Variants in CROCC2 observed in about 807,000 individuals in gnomAD.
CROCC2 encodes the protein ciliary rootlet coiled-coil protein 2.
CROCC2 carries 163 observed loss-of-function variants against 177.6 expected under a neutral mutation model. That is an observed-to-expected ratio of 0.92 (90% CI 0.81 to 1.05). CROCC2 has a LOEUF of 1.05. Among genes scored for constraint, CROCC2 ranks in the 50% least tolerant of loss-of-function variants. The pLI is 0.00. For synonymous variants in CROCC2, 904 were observed against 787.3 expected, an observed-to-expected ratio of 1.15 and a Z score of -2.48; for missense variants, 1,929 against 1,797.8, an observed-to-expected ratio of 1.07 and a Z score of -1.32.
intron 22 of CROCC2, 27 bp from the exon 23 acceptor site, chr2:240,965,354 C>G (rs1302094326): frequency 6.5e-7 from 1 of 1,548,222 alleles, no homozygotes; most frequent in Non-Finnish European, 8.7e-7. Context: ...GACCAGTGAC[C>G]CTGTCCGTGC....
intron 3 of CROCC2, among the ~76,000 whole-genome samples, chr2:240,922,049 G>A (rs1220353244): frequency 6.6e-6 from 1 of 152,200 alleles, no homozygotes; most frequent in Non-Finnish European, 1.5e-5. Context: ...CAATCTCCAG[G>A]GGGCAGCCCC....
At chr2:240,980,017 T>C (rs2059787448) in intron 27 of CROCC2, among the ~76,000 whole-genome samples, 1 of 44,368 alleles carries the variant, frequency 2.3e-5, no homozygotes, top group Non-Finnish European at 4.2e-5. Flanking sequence ...TCATCCCTGC[T>C]CAAGCTCTGG....
chr2:240,965,370 C>T lies in CROCC2; in HGVS notation c.3466-11C>T. 6.5e-7 allele frequency: 1 copy of T among 1,549,044 alleles called. No homozygotes were observed. Among genetic ancestry groups the T allele is most frequent in the Non-Finnish European group, 8.7e-7 (1 of 1,146,776 alleles). On this transcript the variant is annotated splice_polypyrimidine_tract_variant and intron_variant, in intron 22 of 31. Coordinates refer to ENST00000690015, the MANE Select transcript of CROCC2 (RefSeq NM_001351305.2). ...ACCAGTGACCCTGTCCGTGCGGCCC[C>T]ACGCTCCCAGGTGAGGACACTGAAG...
In CROCC2 at chr2:240,932,823, C is replaced by T; in HGVS notation, c.1166C>T (p.Pro389Leu). Residue 389 changes from proline (P) to leucine (L), a missense_variant, in exon 9 of 32, where the codon CCA (proline) becomes CTA (leucine). Around this residue, in one of 3 missense-constraint regions of CROCC2, gnomAD observed 1,397 missense variants for 1,239.9 expected, o/e 1.13. Transcript: ENST00000690015. ...RATSPHQGAS[P>L]PHICSPATLD... Reference sequence around the variant, plus strand: ...ACATCCCCCCATCAAGGGGCGTCCCCACCACACATCTGCTCCCCAGCCACC... The same window carrying T: ...ACATCCCCCCATCAAGGGGCGTCCCTACCACACATCTGCTCCCCAGCCACC... The T allele has an allele frequency of 6.5e-7, 1 of 1,541,770 alleles. No homozygotes were observed. The highest frequency in any genetic ancestry group is 8.8e-7 in the Non-Finnish European group (1 of 1,141,540).
intron 15 of CROCC2, 144 bp downstream of exon 15, chr2:240,946,397 G>A: frequency 1.1e-6 from 1 of 869,836 alleles, no homozygotes; most frequent in Non-Finnish European, 1.7e-6. Context: ...GTGAGTGGAG[G>A]CGAGCACAGA....
At chr2:240,961,880 T>TCA (rs2059641126) in intron 20 of CROCC2, among the ~76,000 whole-genome samples, 15 of 81,974 alleles carry the variant, frequency 1.8e-4, no homozygotes, top group Non-Finnish European at 3.1e-4. Flanking sequence ...CACATGCTCA[T>TCA]CACACACATG....
chr2:240,947,429 G>A (rs986294646), intron 15 of CROCC2, among the ~76,000 whole-genome samples: 35 of 152,072 alleles, frequency 2.3e-4, no homozygotes, highest in African/African-American at 7.5e-4. Flanking sequence ...CCACTGACCC[G>A]AGGTCCCTGC....
intron 24 of CROCC2, 49 bp downstream of exon 24, chr2:240,966,042 C>T: frequency 7.6e-7 from 1 of 1,313,672 alleles, no homozygotes; most frequent in Non-Finnish European, 9.7e-7. Context: ...AGCTCAGTCC[C>T]TGGCCTGGCA....
intron 7 of CROCC2, among the ~76,000 whole-genome samples, chr2:240,931,988 G>A (rs1190465091): frequency 1.3e-5 from 2 of 152,250 alleles, no homozygotes; most frequent in Non-Finnish European, 2.9e-5. Context: ...GGTGCTCCAG[G>A]CAGAAGGACT....
At chr2:240,968,814 G>A (rs2059702622) in intron 27 of CROCC2, among the ~76,000 whole-genome samples, 1 of 152,206 alleles carries the variant, frequency 6.6e-6, no homozygotes, top group Admixed American at 6.5e-5. Flanking sequence ...TTCAGGTGAG[G>A]AGCCTGGGCC....
Position 240,949,761 on chromosome 2 carries a change from G to A in CROCC2, c.2652+59G>A. On this transcript the variant is annotated intron_variant, in intron 17 of 31. Coordinates refer to ENST00000690015, the MANE Select transcript of CROCC2 (RefSeq NM_001351305.2). The surrounding 1 kb of genome is among the most constrained non-coding windows in gnomAD (Gnocchi z 4.5). The stretch of plus-strand genomic sequence containing the variant: ...AGAAGGCTACCAGGTCCCGGGGAAT[G>A]GCAGGCCCTTGGGAGGAGGGGGCCC... 1 of 1,476,226 alleles carries A rather than the reference G, an allele frequency of 6.8e-7. No homozygotes were observed. The highest frequency in any genetic ancestry group is 1.3e-5 in the South Asian group (1 of 77,116). 91.4% of individuals were successfully genotyped at this position (1,476,226 alleles called of 1,614,324 possible).
chr2:240,921,742 A>T (rs1191311093), intron 3 of CROCC2, among the ~76,000 whole-genome samples: 2 of 152,190 alleles, frequency 1.3e-5, no homozygotes, highest in Non-Finnish European at 2.9e-5. Flanking sequence ...CGGCTCCTCC[A>T]GGGTCTTCCA....
chr2:240,983,375 G>A, intron 28 of CROCC2: 1 of 1,294,960 alleles, frequency 7.7e-7, no homozygotes. Context: ...CCCGCTCTCA[G>A]AAACTCGGGC....
rs553768647 is a variant in CROCC2, at chr2:240,972,327, G to A, written c.4401+4065G>A. On this transcript the variant is annotated intron_variant, in intron 27 of 31. Coordinates refer to ENST00000690015, the MANE Select transcript of CROCC2 (RefSeq NM_001351305.2). The surrounding 1 kb of genome is among the most constrained non-coding windows in gnomAD (Gnocchi z 7.1). ...CCAGCAGTGGAGTTCTGGCCCTCCC[G>A]GAGCTGTTCTGTTCCTGAAGTGGGC... 9.1e-4 allele frequency among the ~76,000 whole-genome samples: 139 copies of A among 152,280 alleles called. No homozygotes were observed. The highest frequency in any genetic ancestry group is 1.6e-3 in the Non-Finnish European group (108 of 68,028).
At chr2:240,932,239 C>A (rs2059436302) in intron 7 of CROCC2, 79 bp from the exon 8 acceptor site, 3 of 654,820 alleles carry the variant, frequency 4.6e-6, no homozygotes, top group African/African-American at 3.6e-5. Context: ...ACAAAGGAGT[C>A]CGGGCAGAGC....
chr2:240,946,300 C>A, intron 15 of CROCC2, 47 bp downstream of exon 15: 1 of 1,471,948 alleles, frequency 6.8e-7, no homozygotes, highest in Non-Finnish European at 9.2e-7. Context: ...TGTCCTTGCC[C>A]ACAGAGAGTC....
chr2:240,991,321 G>C, intron 31 of CROCC2, 43 bp downstream of exon 31: 9 of 1,508,304 alleles, frequency 6.0e-6, no homozygotes, highest in Non-Finnish European at 8.1e-6. Context: ...GCTGCCTTCA[G>C]CCCTGACTGG....
chr2:240,956,621 C>A (rs2059592027), intron 19 of CROCC2, among the ~76,000 whole-genome samples: 1 of 152,200 alleles, frequency 6.6e-6, no homozygotes, highest in African/African-American at 2.4e-5. Context: ...TCCCCTGGAG[C>A]CCAAGTCCAG....
At chr2:240,991,476 G>A (rs1246350247) in intron 31 of CROCC2, among the ~76,000 whole-genome samples, 198 bp downstream of exon 31, 2 of 152,256 alleles carry the variant, frequency 1.3e-5, no homozygotes, top group African/African-American at 2.4e-5. Context: ...AGCACAGGGT[G>A]CAGGCAGCCA....
Sources: gnomAD v4.1 joint callset for allele counts (sites outside exome capture counted in the v4.1 genomes callset) on GRCh38, gnomAD v4.1.1 for gene constraint, gnomAD v4.1.1 regional missense constraint, Gnocchi (gnomAD v3.1) non-coding constraint, MANE v1.5 for transcripts, NCBI Gene and HGNC (gene_info 2026-07-23, HGNC 2026-07-21) for gene names.